The following DVL1 variants were observed in gnomAD, a reference collection of about 807,000 sequenced individuals.
DVL1 encodes dishevelled segment polarity protein 1.
In DVL1, 49 loss-of-function variants were observed where a neutral mutation model predicts 65.0. The observed-to-expected ratio is 0.75, with a 90% CI of 0.60 to 0.96. DVL1 has a LOEUF of 0.96. Ranked by LOEUF, DVL1 falls within the 40% of genes least tolerant of loss-of-function variation. DVL1 has a pLI of 0.00. For missense variants in DVL1, 1,197 were observed against 1,045.4 expected (o/e 1.15, Z -2.00); for synonymous variants, 608 against 433.9 (o/e 1.40, Z -4.99).
chr1:1,336,862 T>G (rs930364272), intron 14 of DVL1, among the ~76,000 whole-genome samples: 2 of 152,078 alleles, frequency 1.3e-5, no homozygotes, highest in Non-Finnish European at 2.9e-5. Flanking sequence ...CCATCCTGGA[T>G]TCCCCACCCA....
At position 1,338,143 on chromosome 1, in the gene DVL1, A is replaced by T; in HGVS notation, c.1548T>A (p.Thr516=). Residue 516 remains threonine, a synonymous_variant, in exon 14 of 15, where the codon ACT becomes ACA. Coordinates refer to ENST00000378888, the MANE Select transcript of DVL1 (RefSeq NM_001330311.2). ...TLNLNSGSSG[T]SDQDTLAPLP... is the part of the protein sequence containing the mutation. ...GCGGGGCCAGCGTGTCCTGATCCGA[A>T]GTCCCACTGGAGCCACTGTTGAGGT... The T allele has an allele frequency of 6.2e-7, 1 of 1,609,296 alleles. No homozygotes were observed. Among genetic ancestry groups the T allele is most frequent in the Non-Finnish European group, 8.5e-7 (1 of 1,178,438 alleles).
Position 1,342,494 on chromosome 1 carries a change from G to A in DVL1, c.241-10C>T, listed in dbSNP as rs750822441. The A allele has an allele frequency of 1.1e-5, 17 of 1,609,264 alleles. No homozygotes were observed. The highest frequency in any genetic ancestry group is 4.0e-5 in the African/African-American group (3 of 74,878). ...CCTCAGCCAGGACCAGCTGTGGAGGGAGCAGGCATGCTCAGGGGAGCCCAC... is the reference window on the plus strand; with the variant it reads ...CCTCAGCCAGGACCAGCTGTGGAGGAAGCAGGCATGCTCAGGGGAGCCCAC... On this transcript the variant is annotated splice_polypyrimidine_tract_variant and intron_variant, in intron 2 of 14. Transcript: ENST00000378888.
Position 1,336,089 on chromosome 1 carries a change from C to A in DVL1, c.*53G>T, listed in dbSNP as rs1057038766. 2.5e-5 allele frequency: 38 copies of A among 1,545,082 alleles called. No homozygotes were observed. Among genetic ancestry groups the A allele is most frequent in the Admixed American group, 3.8e-5 (2 of 52,618 alleles). On this transcript the variant is annotated 3_prime_UTR_variant, in exon 15 of 15. Transcript: ENST00000378888. ...GGCAAGCCCACGCGAGCTCTGCATG[C>A]GGCAGGACCGCCAGCTCCCCACCTC... is the stretch of plus-strand genomic sequence containing the variant.
Position 1,348,912 on chromosome 1 carries a change from T to C in DVL1, c.154A>G (p.Met52Val), listed in dbSNP as rs1466455395. Reference sequence around the variant, plus strand: ...CCGACTGACCCGAAGTCCTGGTCCATGGACTTAAAGAAGAATTTGTAGGCG... The same window carrying C: ...CCGACTGACCCGAAGTCCTGGTCCACGGACTTAAAGAAGAATTTGTAGGCG... ...VHAYKFFFKS[M>V]DQDFGVVKEE... Residue 52 changes from methionine (M) to valine (V), a missense_variant, in exon 1 of 15, where the codon ATG (methionine) becomes GTG (valine). Coordinates refer to ENST00000378888, the MANE Select transcript of DVL1 (RefSeq NM_001330311.2). 5.8e-6 allele frequency: 9 copies of C among 1,564,838 alleles called. No homozygotes were observed. The highest frequency in any genetic ancestry group is 7.8e-6 in the Non-Finnish European group (9 of 1,152,034).
Position 1,349,287 on chromosome 1 carries a change from C to T in DVL1, c.-222G>A, listed in dbSNP as rs1205751097. 1 of 148,998 alleles carries T rather than the reference C, an allele frequency of 6.7e-6. No individual in the cohort carries two copies. Among genetic ancestry groups the T allele is most frequent in the Non-Finnish European group, 1.5e-5 (1 of 68,758 alleles). 9.2% of individuals were successfully genotyped at this position (148,998 alleles called of 1,614,324 possible). ...TGCCCCGCGGCCCGCGGCCGCCCAT[C>T]CGCCCCCGGCCCGGGAGCGGCGCGA... On this transcript the variant is annotated 5_prime_UTR_variant, in exon 1 of 15. Transcript: ENST00000378888. This position sits in a 1 kb window ranked among gnomAD's most constrained non-coding sequence, Gnocchi z 4.1.
chr1:1,336,066 C>G lies in DVL1; in HGVS notation c.*76G>C. 1 of 1,517,968 alleles carries G rather than the reference C, an allele frequency of 6.6e-7. No homozygotes were observed. The highest frequency in any genetic ancestry group is 2.5e-5 in the East Asian group (1 of 40,722). 94.0% of individuals were successfully genotyped at this position (1,517,968 alleles called of 1,614,324 possible). ...CCTCCCGTCCTGGCCCCCACGAAGG[C>G]AAGCCCACGCGAGCTCTGCATGCGG... is the stretch of plus-strand genomic sequence containing the variant. On this transcript the variant is annotated 3_prime_UTR_variant, in exon 15 of 15. Transcript: ENST00000378888.
At chr1:1,347,914 G>T (rs1276368586) in intron 1 of DVL1, among the ~76,000 whole-genome samples, 1 of 152,196 alleles carries the variant, frequency 6.6e-6, no homozygotes, top group Non-Finnish European at 1.5e-5. Context: ...GCCCCCCTGA[G>T]AGCTCCAGAG....
At position 1,338,522 on chromosome 1, in the gene DVL1, C is replaced by A. The variant is rs764307176; in HGVS notation, c.1339G>T (p.Gly447Trp). Reference protein sequence around the residue: ...LKITIANAVIGADVVDWLYTH... With the variant: ...LKITIANAVIWADVVDWLYTH... ...TCCGCCCGCGGGGACGGCCACTCACCGATGACGGCATTGGCGATGGTGATC... is the reference window on the plus strand; with the variant it reads ...TCCGCCCGCGGGGACGGCCACTCACAGATGACGGCATTGGCGATGGTGATC... Residue 447 changes from glycine (G) to tryptophan (W), a missense_variant and splice_region_variant, in exon 12 of 15, where the codon GGG becomes TGG. Coordinates refer to ENST00000378888, the MANE Select transcript of DVL1 (RefSeq NM_001330311.2). 3 of 1,612,288 alleles carry A rather than the reference C, an allele frequency of 1.9e-6. No homozygotes were observed. Among genetic ancestry groups the A allele is most frequent in the African/African-American group, 1.3e-5 (1 of 74,924 alleles).
intron 1 of DVL1, among the ~76,000 whole-genome samples, chr1:1,346,410 G>A (rs1326496849): frequency 6.6e-6 from 1 of 152,158 alleles, no homozygotes; most frequent in Non-Finnish European, 1.5e-5. Flanking sequence ...CAGCAGTGGG[G>A]ACCCGGAGCC....
At chr1:1,337,012 G>T in intron 14 of DVL1, 1 of 990,452 alleles carries the variant, frequency 1.0e-6, no homozygotes, top group Non-Finnish European at 1.2e-6. Context: ...CGGGACCCTG[G>T]CTTACCGGCC....
chr1:1,340,960 CTACACACCTGCACAG>C (rs2100740886), intron 5 of DVL1, among the ~76,000 whole-genome samples: 1 of 147,008 alleles, frequency 6.8e-6, no homozygotes, highest in East Asian at 2.1e-4. Context: ...CCCCTGCACA[CTACACACCTGCACAG>C]GCACACATGC....
Position 1,339,322 on chromosome 1 carries a change from G to A in DVL1, c.1172C>T (p.Ser391Phe), listed in dbSNP as rs904267190. The A allele has an allele frequency of 6.5e-7, 1 of 1,548,634 alleles. No individual in the cohort carries two copies. Residue 391 changes from serine to phenylalanine, a missense_variant, in exon 11 of 15, where the codon TCC becomes TTC. By Grantham distance (155) the Ser-to-Phe change is radical (BLOSUM62 -2). Coordinates refer to ENST00000378888, the MANE Select transcript of DVL1 (RefSeq NM_001330311.2). ...PCSSAVTRTS[S>F]SSLTSSVPGA... ...AGGCACGGAGCTGGTTAGTGAGGAG[G>A]AGCTGGTGCGCGTGACGGCGCTGGA... is the stretch of plus-strand genomic sequence containing the variant.
intron 11 of DVL1, 60 bp downstream of exon 11, chr1:1,339,227 G>C: frequency 1.3e-6 from 2 of 1,544,312 alleles, no homozygotes; most frequent in Middle Eastern, 2.3e-4. Context: ...GCTGGAGGCT[G>C]GCAGAGACGC....
At chr1:1,348,142 G>A (rs1462528832) in intron 1 of DVL1, among the ~76,000 whole-genome samples, 1 of 152,224 alleles carries the variant, frequency 6.6e-6, no homozygotes, top group East Asian at 1.9e-4. Context: ...GGCCAGGCCA[G>A]GCCTCAAGCA....
rs776551474 is a variant in DVL1 at position 1,336,520 on chromosome 1, G to T, written c.1715-5C>A. The T allele has an allele frequency of 1.3e-6, 2 of 1,505,876 alleles. No individual in the cohort carries two copies. Among genetic ancestry groups the T allele is most frequent in the Non-Finnish European group, 1.8e-6 (2 of 1,136,186 alleles). 93.3% of individuals were successfully genotyped at this position (1,505,876 alleles called of 1,614,324 possible). ...TGGACCCACTGCTTTTGCTCCCTGGGAGTGAGAACAGGATGGGGAAGGAGC... is the reference window on the plus strand; with the variant it reads ...TGGACCCACTGCTTTTGCTCCCTGGTAGTGAGAACAGGATGGGGAAGGAGC... On this transcript the variant is annotated splice_region_variant and splice_polypyrimidine_tract_variant and intron_variant, in intron 14 of 14. Transcript: ENST00000378888.
At chr1:1,344,011 G>C (rs1184558842) in intron 1 of DVL1, among the ~76,000 whole-genome samples, 2 of 152,110 alleles carry the variant, frequency 1.3e-5, no homozygotes, top group African/African-American at 2.4e-5. Flanking sequence ...CGGGTGACCC[G>C]AGCTCAGAGT....
intron 11 of DVL1, among the ~76,000 whole-genome samples, chr1:1,339,084 T>G (rs559007595): frequency 6.6e-6 from 1 of 152,198 alleles, no homozygotes; most frequent in Admixed American, 6.5e-5. Context: ...ACATCCCCTG[T>G]TCCCAACACA....
intron 4 of DVL1, 120 bp from the exon 5 acceptor site, chr1:1,341,925 G>A (rs1248360564): frequency 1.2e-5 from 18 of 1,458,084 alleles, no homozygotes; most frequent in South Asian, 4.1e-5. Context: ...CTGTAGGCTC[G>A]CTGGGCCTGT....
chr1:1,342,560 G>T, intron 2 of DVL1, 76 bp from the exon 3 acceptor site: 5 of 1,576,836 alleles, frequency 3.2e-6, no homozygotes, highest in Non-Finnish European at 3.4e-6. Context: ...AGGGAACAGG[G>T]GGCCAGCAAG....
Sources: allele counts gnomAD v4.1 joint callset (sites outside exome capture counted in the v4.1 genomes callset), GRCh38; gene constraint gnomAD v4.1.1; non-coding constraint Gnocchi (gnomAD v3.1); transcripts MANE v1.5; gene names NCBI Gene and HGNC (gene_info 2026-07-23, HGNC 2026-07-21).